STK33: variants seen among roughly 807,000 people sequenced by gnomAD.
The protein encoded by STK33 is serine/threonine-protein kinase 33.
STK33 carries 52 observed loss-of-function variants against 58.0 expected under a neutral mutation model. That is an observed-to-expected ratio of 0.90 (90% confidence interval 0.72 to 1.13). The LOEUF (loss-of-function observed/expected upper bound fraction) is 1.13, where lower values mean the gene tolerates loss of function less well. Among genes scored for constraint, STK33 ranks in the 50% most tolerant of loss-of-function variants. The pLI is 0.00. For missense variants in STK33, 630 were observed against 604.2 expected (o/e 1.04, Z -0.45); for synonymous variants, 215 against 200.1 (o/e 1.07, Z -0.63).
intron 1 of STK33, among the ~76,000 whole-genome samples, chr11:8,496,026 A>G (rs1217425751): frequency 2.6e-5 from 4 of 152,126 alleles, no homozygotes. Flanking sequence ...GCAGCAAACC[A>G]ACATGGTTCA....
intron 12 of STK33, among the ~76,000 whole-genome samples, chr11:8,438,872 C>T (rs1216493801): frequency 3.3e-5 from 5 of 152,122 alleles, no homozygotes; most frequent in South Asian, 2.1e-4. Flanking sequence ...CAGCACAAAA[C>T]GATGATCAAA....
chr11:8,339,591 T>TCGGCGGCAGAGGCGCC, the STK33 span, among the ~76,000 whole-genome samples: 3 of 152,182 alleles, frequency 2.0e-5, no homozygotes, highest in African/African-American at 4.8e-5. Flanking sequence ...GGCCCTGCGC[T>TCGGCGGCAGAGGCGCC]CGGCGGCAGA....
At chr11:8,559,992 T>C (rs1013602755) in intron 1 of STK33, among the ~76,000 whole-genome samples, 1 of 152,182 alleles carries the variant, frequency 6.6e-6, no homozygotes, top group African/African-American at 2.4e-5. Flanking sequence ...TTAATGGCTA[T>C]ATAATATTCC....
intron 1 of STK33, among the ~76,000 whole-genome samples, chr11:8,488,328 T>C (rs1011750339): frequency 6.6e-6 from 1 of 152,014 alleles, no homozygotes; most frequent in Non-Finnish European, 1.5e-5. Flanking sequence ...TAGATCTCTG[T>C]AGGGGCTTTG....
In STK33 at chr11:8,495,457, G is replaced by A. The variant is rs1015233382; in HGVS notation, c.-465-14843C>T. ...AAAAAGTCAGGAAACAACAGATACT[G>A]GAGAGGATGTGGAGAAACAGGAACG... On this transcript the variant is annotated intron_variant, in intron 1 of 15. Coordinates refer to ENST00000687296, the MANE Select transcript of STK33 (RefSeq NM_001352389.2). Among the ~76,000 whole-genome samples, 5 of 152,200 alleles carry A rather than the reference G, an allele frequency of 3.3e-5. No homozygotes were observed. The South Asian group carries it at 6.2e-4, about 19-fold the overall frequency.
At chr11:8,586,653 G>A (rs544201694) in intron 1 of STK33, among the ~76,000 whole-genome samples, 35 of 151,976 alleles carry the variant, frequency 2.3e-4, no homozygotes, top group South Asian at 1.7e-3. Flanking sequence ...GTGAAACCCC[G>A]TCTGTACTAA....
chr11:8,424,312 A>G (rs975582979), intron 14 of STK33, among the ~76,000 whole-genome samples: 1 of 129,922 alleles, frequency 7.7e-6, no homozygotes, highest in Non-Finnish European at 1.7e-5. Flanking sequence ...TACAAAGGAC[A>G]TGAACTCATC....
At chr11:8,573,572 C>G (rs1254276644) in intron 1 of STK33, among the ~76,000 whole-genome samples, 1 of 152,202 alleles carries the variant, frequency 6.6e-6, no homozygotes, top group Admixed American at 6.5e-5. Flanking sequence ...AGTCGTTGTA[C>G]TCTTGGGCAT....
chr11:8,527,972 T>C (rs549813655), intron 1 of STK33, among the ~76,000 whole-genome samples: 1 of 152,192 alleles, frequency 6.6e-6, no homozygotes, highest in Admixed American at 6.5e-5. Context: ...AACCTTCTAG[T>C]TGTAATGTGT....
chr11:8,586,161 G>A (rs1398648128), intron 1 of STK33, among the ~76,000 whole-genome samples: 1 of 149,306 alleles, frequency 6.7e-6, no homozygotes, highest in African/African-American at 2.5e-5. Context: ...AGGCTACAGT[G>A]AGCCAAGATC....
chr11:8,382,120 C>G, the STK33 span, among the ~76,000 whole-genome samples: 8 of 152,214 alleles, frequency 5.3e-5, no homozygotes, highest in African/African-American at 1.9e-4. Context: ...ACATCCACTC[C>G]ACTCCACGAG....
At chr11:8,341,661 G>A in the STK33 span, among the ~76,000 whole-genome samples, 2 of 152,228 alleles carry the variant, frequency 1.3e-5, no homozygotes, top group Non-Finnish European at 2.9e-5. Context: ...TGTCCTGGGA[G>A]GACTTTGTGG....
chr11:8,458,633 T>C (rs1947161658), intron 8 of STK33, among the ~76,000 whole-genome samples: 1 of 152,178 alleles, frequency 6.6e-6, no homozygotes, highest in Admixed American at 6.5e-5. Context: ...GCCTCTTCCA[T>C]ATTTGCTGTT....
intron 11 of STK33, among the ~76,000 whole-genome samples, chr11:8,445,472 A>G (rs570532395): frequency 6.6e-6 from 1 of 152,346 alleles, no homozygotes; most frequent in South Asian, 2.1e-4. Context: ...TTCAAAGGGA[A>G]TGCTTCCAGC....
rs34353466 is a variant in STK33, at chr11:8,450,618, C to CA, written c.871+2203dup. Among the ~76,000 whole-genome samples the CA allele has an allele frequency of 9.3e-5, 14 of 150,702 alleles. 1 individual carries two copies. The highest frequency in any genetic ancestry group is 2.9e-4 in the African/African-American group (12 of 41,040). ...ATGATTTTTATTATTTTTTCAATAA[C>CA]AAAAAAAAAGTTCAAGAAGTTAAAA... On this transcript the variant is annotated intron_variant, in intron 11 of 15. Coordinates refer to ENST00000687296, the MANE Select transcript of STK33 (RefSeq NM_001352389.2).
intron 1 of STK33, among the ~76,000 whole-genome samples, chr11:8,578,254 T>A (rs1591877174): frequency 6.6e-6 from 1 of 152,092 alleles, no homozygotes; most frequent in Non-Finnish European, 1.5e-5. Flanking sequence ...TCCTAGTTTC[T>A]TGTTTAACAC....
intron 1 of STK33, among the ~76,000 whole-genome samples, chr11:8,488,903 G>T (rs1490931035): frequency 6.6e-6 from 1 of 152,146 alleles, no homozygotes; most frequent in Non-Finnish European, 1.5e-5. Flanking sequence ...GAACTTACTA[G>T]ACAAAGACTT....
At position 8,562,486 on chromosome 11, in the gene STK33, T is replaced by G. The variant is rs530862031; in HGVS notation, c.-466+31597A>C. 2.7e-5 allele frequency among the ~76,000 whole-genome samples: 4 copies of G among 145,804 alleles called. No homozygotes were observed. In the East Asian group the frequency reaches 8.0e-4, roughly 29 times the overall value. On this transcript the variant is annotated intron_variant, in intron 1 of 15. Coordinates refer to ENST00000687296, the MANE Select transcript of STK33 (RefSeq NM_001352389.2). Reference sequence around the variant, plus strand: ...ATGGCCCCCCACTTTCAGTGAAATCTGCACTCTGTTTACAGTCTAAACAGT... The same window carrying G: ...ATGGCCCCCCACTTTCAGTGAAATCGGCACTCTGTTTACAGTCTAAACAGT...
At chr11:8,402,642 C>T (rs1263944593) in intron 15 of STK33, among the ~76,000 whole-genome samples, 2 of 152,068 alleles carry the variant, frequency 1.3e-5, no homozygotes, top group Non-Finnish European at 2.9e-5. Flanking sequence ...TGAGACTCCC[C>T]TCAAATATCT....
Sources: allele counts gnomAD v4.1 joint callset (sites outside exome capture counted in the v4.1 genomes callset), GRCh38; gene constraint gnomAD v4.1.1; transcripts MANE v1.5; gene names NCBI Gene and HGNC (gene_info 2026-07-23, HGNC 2026-07-21).